The following CCSER1 variants were observed in gnomAD, a reference collection of about 807,000 sequenced individuals.
CCSER1 encodes the protein serine-rich coiled-coil domain-containing protein 1.
CCSER1 carries 41 observed loss-of-function variants against 82.0 expected under a neutral mutation model. The ratio of observed to expected loss-of-function variants is 0.50; its 90% confidence interval spans 0.39 to 0.65. The LOEUF is 0.65. CCSER1 is among the 30% of genes least tolerant of loss of function. The pLI, the probability that CCSER1 is intolerant of heterozygous loss-of-function variation, is 0.00. For missense variants in CCSER1, 1,119 were observed against 1,064.2 expected, an observed-to-expected ratio of 1.05 and a Z score of -0.72; for synonymous variants, 414 against 383.9, an observed-to-expected ratio of 1.08 and a Z score of -0.92.
chr4:90,267,467 G>C (rs1725450588), intron 1 of CCSER1, among the ~76,000 whole-genome samples: 1 of 152,118 alleles, frequency 6.6e-6, no homozygotes, highest in Non-Finnish European at 1.5e-5. Flanking sequence ...GCTACCTGCT[G>C]ATTGTAGAGC....
intron 8 of CCSER1, among the ~76,000 whole-genome samples, chr4:90,869,413 G>A (rs1337527705): frequency 6.6e-6 from 1 of 151,880 alleles, no homozygotes; most frequent in Non-Finnish European, 1.5e-5. Flanking sequence ...TTAGTTTTCT[G>A]CATAGAGATA....
At chr4:90,878,235 C>T (rs990022429) in intron 8 of CCSER1, among the ~76,000 whole-genome samples, 1 of 152,138 alleles carries the variant, frequency 6.6e-6, no homozygotes, top group East Asian at 1.9e-4. Context: ...ATCTTACACA[C>T]CAAAATCCTA....
At chr4:90,624,179 CT>C (rs1008100273) in intron 5 of CCSER1, among the ~76,000 whole-genome samples, 1 of 152,086 alleles carries the variant, frequency 6.6e-6, no homozygotes. Context: ...CATTGAGATG[CT>C]TTTGGCCATA....
intron 3 of CCSER1, among the ~76,000 whole-genome samples, chr4:90,354,926 A>G (rs1385384467): frequency 6.6e-6 from 1 of 152,010 alleles, no homozygotes; most frequent in Non-Finnish European, 1.5e-5. Context: ...GTGTTTTGTA[A>G]CTAGAAATAA....
intron 1 of CCSER1, among the ~76,000 whole-genome samples, chr4:90,222,546 G>A (rs551543420): frequency 6.6e-6 from 1 of 152,266 alleles, no homozygotes; most frequent in East Asian, 1.9e-4. Flanking sequence ...ATTAGAACAA[G>A]GGAAGGAACA....
intron 10 of CCSER1, among the ~76,000 whole-genome samples, chr4:91,170,756 G>A (rs1248173053): frequency 1.3e-5 from 2 of 152,050 alleles, no homozygotes; most frequent in Admixed American, 6.5e-5. Context: ...CCACTTAATT[G>A]TCCCCTGATT....
At chr4:90,790,552 T>A (rs939790078) in intron 7 of CCSER1, among the ~76,000 whole-genome samples, 4 of 152,204 alleles carry the variant, frequency 2.6e-5, no homozygotes, top group Non-Finnish European at 5.9e-5. Context: ...GGATACATTT[T>A]TTTTCCCCCC....
At chr4:90,882,791 A>G (rs1721534482) in intron 8 of CCSER1, among the ~76,000 whole-genome samples, 1 of 152,000 alleles carries the variant, frequency 6.6e-6, no homozygotes, top group East Asian at 1.9e-4. Context: ...CCTCAAATAT[A>G]CGCAACTTCA....
rs189757337 is a variant in CCSER1 at position 90,913,467 on chromosome 4, G to A, written c.2095-9903G>A. ...GAGAGATTTTGTCACCACCGGGCCTGCCCTACGAGAGCTCCTGAAAGAAGC... is the reference window on the plus strand; with the variant it reads ...GAGAGATTTTGTCACCACCGGGCCTACCCTACGAGAGCTCCTGAAAGAAGC... On this transcript the variant is annotated intron_variant, in intron 8 of 10. Coordinates refer to ENST00000509176, the MANE Select transcript of CCSER1 (RefSeq NM_001145065.2). Among the ~76,000 whole-genome samples the A allele has an allele frequency of 3.9e-5, 6 of 152,282 alleles. No individual in the cohort carries two copies. The East Asian group carries it at 1.2e-3, about 29-fold the overall frequency.
intron 10 of CCSER1, among the ~76,000 whole-genome samples, chr4:91,548,215 C>T (rs558032076): frequency 6.6e-6 from 1 of 152,164 alleles, no homozygotes; most frequent in African/African-American, 2.4e-5. Flanking sequence ...TAAGCAAAAT[C>T]CATTTTCAAA....
intron 1 of CCSER1, among the ~76,000 whole-genome samples, chr4:90,150,320 CT>C (rs1560694282): frequency 6.6e-6 from 1 of 151,962 alleles, no homozygotes; most frequent in Admixed American, 6.6e-5. Flanking sequence ...TTTTTCTGTT[CT>C]TTTTTTAATA....
At chr4:91,314,680 G>T (rs1672327135) in intron 10 of CCSER1, among the ~76,000 whole-genome samples, 1 of 151,822 alleles carries the variant, frequency 6.6e-6, no homozygotes, top group African/African-American at 2.4e-5. Flanking sequence ...TTCCAAGAGT[G>T]CTCCCTCCCT....
At chr4:90,164,527 G>A (rs1387651277) in intron 1 of CCSER1, among the ~76,000 whole-genome samples, 2 of 152,048 alleles carry the variant, frequency 1.3e-5, no homozygotes, top group South Asian at 4.1e-4. Context: ...AGCACAGATA[G>A]TAGATTGAGT....
intron 1 of CCSER1, among the ~76,000 whole-genome samples, chr4:90,223,114 G>C (rs1005743229): frequency 1.3e-5 from 2 of 152,142 alleles, no homozygotes; most frequent in African/African-American, 4.8e-5. Flanking sequence ...TCTCCCTTCT[G>C]TTCCCCCATT....
intron 7 of CCSER1, among the ~76,000 whole-genome samples, chr4:90,814,093 C>A (rs1280836166): frequency 6.6e-6 from 1 of 152,190 alleles, no homozygotes; most frequent in Non-Finnish European, 1.5e-5. Flanking sequence ...GCCCGCAGGC[C>A]CAACACCACA....
At position 91,599,443 on chromosome 4, in the gene CCSER1, A is replaced by T. The variant is rs1764732427; in HGVS notation, c.*386A>T. 1 of 154,818 alleles carries T rather than the reference A, an allele frequency of 6.5e-6. No individual in the cohort carries two copies. The highest frequency in any genetic ancestry group is 1.4e-5 in the Non-Finnish European group (1 of 69,936). The allele number at this position is 154,818 out of a possible 1,614,324, so 9.6% of individuals were successfully genotyped here. ...CTGTTAATGGTGTTACTATAAAAGT[A>T]GACCTGATGAAAAATAGATAAAGGA... On this transcript the variant is annotated 3_prime_UTR_variant, in exon 11 of 11. Transcript: ENST00000509176.
At chr4:90,359,275 A>G (rs1252191523) in intron 3 of CCSER1, among the ~76,000 whole-genome samples, 2 of 152,214 alleles carry the variant, frequency 1.3e-5, no homozygotes, top group Non-Finnish European at 2.9e-5. Context: ...ATAGTATATG[A>G]GAATGCTTTC....
chr4:90,913,045 C>G (rs6814520), intron 8 of CCSER1, among the ~76,000 whole-genome samples: 10,524 of 152,172 alleles, frequency 0.069, 418 homozygotes, highest in Admixed American at 0.13. Context: ...GAGAATGGAA[C>G]CAAGTTGGAA....
chr4:90,916,865 A>T (rs943156618), intron 8 of CCSER1, among the ~76,000 whole-genome samples: 6 of 152,004 alleles, frequency 3.9e-5, no homozygotes, highest in African/African-American at 1.2e-4. Context: ...ATATGAACAG[A>T]CACTTCTCAA....
Sources: gnomAD v4.1 joint callset for allele counts (sites outside exome capture counted in the v4.1 genomes callset) on GRCh38, gnomAD v4.1.1 for gene constraint, MANE v1.5 for transcripts, NCBI Gene and HGNC (gene_info 2026-07-23, HGNC 2026-07-21) for gene names.